Variants in POC5 observed in about 807,000 individuals in gnomAD.
POC5 encodes centrosomal protein POC5.
In POC5, 48 loss-of-function variants were observed where a neutral mutation model predicts 62.9. The ratio of observed to expected loss-of-function variants is 0.76; its 90% CI spans 0.61 to 0.97. The LOEUF is 0.97. POC5 is among the 50% of genes least tolerant of loss of function. The probability of loss-of-function intolerance (pLI) is 0.00; values close to 1 mark genes in which losing one functional copy is unlikely to be tolerated. For synonymous variants in POC5, 236 were observed against 228.2 expected (o/e 1.03, Z -0.31); for missense variants, 696 against 679.5 (o/e 1.02, Z -0.27).
intron 5 of POC5, among the ~76,000 whole-genome samples, chr5:75,702,006 G>A (rs1400654865): frequency 6.6e-6 from 1 of 152,144 alleles, no homozygotes; most frequent in African/African-American, 2.4e-5. Context: ...CAAAGTATCT[G>A]TGAAATTCAA....
intron 5 of POC5, among the ~76,000 whole-genome samples, chr5:75,699,390 C>A (rs1398388755): frequency 6.6e-6 from 1 of 152,008 alleles, no homozygotes. Flanking sequence ...GGGCTTCATC[C>A]CTGGGATGCA....
At chr5:75,715,283 C>G (rs910941589) in intron 1 of POC5, among the ~76,000 whole-genome samples, 3 of 135,184 alleles carry the variant, frequency 2.2e-5, no homozygotes, top group African/African-American at 8.8e-5. Context: ...GCACTCCAGC[C>G]TGGGCGACAG....
At chr5:75,687,290 A>G (rs565125635) in intron 9 of POC5, among the ~76,000 whole-genome samples, 2 of 152,178 alleles carry the variant, frequency 1.3e-5, no homozygotes, top group African/African-American at 4.8e-5. Context: ...TCGGCCTCCC[A>G]AAGTGCTGGG....
intron 5 of POC5, among the ~76,000 whole-genome samples, chr5:75,702,264 G>T (rs772069026): frequency 6.6e-6 from 1 of 152,032 alleles, no homozygotes; most frequent in Non-Finnish European, 1.5e-5. Flanking sequence ...AACCACCATG[G>T]CACATGTATA....
intron 5 of POC5, among the ~76,000 whole-genome samples, chr5:75,696,565 A>G (rs1261294686): frequency 6.6e-6 from 1 of 151,536 alleles, no homozygotes; most frequent in African/African-American, 2.4e-5. Flanking sequence ...TCTGTACATC[A>G]CCATCATCAA....
At chr5:75,675,650 A>G (rs536977483) in intron 11 of POC5, among the ~76,000 whole-genome samples, 1 of 152,372 alleles carries the variant, frequency 6.6e-6, no homozygotes. Context: ...GATAACCATT[A>G]TAAATAGGAG....
chr5:75,686,216 T>G (rs1310726577), intron 9 of POC5, among the ~76,000 whole-genome samples: 1 of 152,218 alleles, frequency 6.6e-6, no homozygotes, highest in African/African-American at 2.4e-5. Context: ...CTTCCAATTT[T>G]AGATGTTTTC....
intron 9 of POC5, among the ~76,000 whole-genome samples, chr5:75,687,538 A>G (rs996392457): frequency 5.3e-5 from 8 of 152,188 alleles, no homozygotes; most frequent in Admixed American, 1.3e-4. Flanking sequence ...TTTCTCATCG[A>G]TTGTTTCAAA....
intron 6 of POC5, 113 bp downstream of exon 6, chr5:75,694,542 C>G: frequency 2.3e-6 from 2 of 867,902 alleles, no homozygotes; most frequent in Non-Finnish European, 3.3e-6. Context: ...ATTTTTCTGT[C>G]AGTTTCTGAT....
chr5:75,712,386 T>C, intron 2 of POC5: 1 of 1,609,148 alleles, frequency 6.2e-7, no homozygotes, highest in Non-Finnish European at 8.5e-7. Flanking sequence ...CCACTTCATT[T>C]TATCTGTCAA....
chr5:75,710,622 C>A (rs1471976945), intron 2 of POC5, among the ~76,000 whole-genome samples: 1 of 152,176 alleles, frequency 6.6e-6, no homozygotes, highest in Non-Finnish European at 1.5e-5. Flanking sequence ...GAAACTGACC[C>A]TTTTGGGCTG....
chr5:75,690,045 C>T (rs1163158743), intron 8 of POC5, among the ~76,000 whole-genome samples: 1 of 152,022 alleles, frequency 6.6e-6, no homozygotes, highest in East Asian at 1.9e-4. Flanking sequence ...GCCACCATAC[C>T]CAGCTAATTT....
intron 9 of POC5, among the ~76,000 whole-genome samples, chr5:75,687,109 C>A (rs1359364166): frequency 6.6e-6 from 1 of 152,072 alleles, no homozygotes; most frequent in Non-Finnish European, 1.5e-5. Context: ...CAGCTCACTG[C>A]AACCTCTGCC....
At chr5:75,697,024 G>A (rs946772251) in intron 5 of POC5, among the ~76,000 whole-genome samples, 1 of 152,100 alleles carries the variant, frequency 6.6e-6, no homozygotes, top group African/African-American at 2.4e-5. Context: ...AAAAAGAAAC[G>A]AGCAAAGCCT....
At chr5:75,680,087 A>G (rs253388) in intron 10 of POC5, among the ~76,000 whole-genome samples, 116,159 of 152,068 alleles carry the variant, frequency 0.76, 44,643 homozygotes, top group African/African-American at 0.85. Context: ...GGCCTGAGGG[A>G]AACTTTGTCC....
At chr5:75,712,409 G>A (rs1367378385) in intron 2 of POC5, 1 of 1,612,684 alleles carries the variant, frequency 6.2e-7, no homozygotes, top group Non-Finnish European at 8.5e-7. Context: ...TCCAGGTCCT[G>A]GGCAGCAGAT....
chr5:75,696,337 T>C (rs190377120), intron 5 of POC5, among the ~76,000 whole-genome samples: 10,358 of 152,244 alleles, frequency 0.068, 382 homozygotes, highest in South Asian at 0.11. Flanking sequence ...AAGAGAGCAG[T>C]GGTTCTCCCA....
intron 9 of POC5, 83 bp downstream of exon 9, chr5:75,688,929 T>C: frequency 7.8e-7 from 1 of 1,275,850 alleles, no homozygotes; most frequent in Non-Finnish European, 1.0e-6. Flanking sequence ...GCAGATTATT[T>C]GTACTGTAGA....
At chr5:75,697,100 G>A (rs530862179) in intron 5 of POC5, among the ~76,000 whole-genome samples, 4 of 152,166 alleles carry the variant, frequency 2.6e-5, no homozygotes, top group Admixed American at 2.6e-4. Context: ...GAAAGTGATG[G>A]GGAGAATGGA....
Sources: gnomAD v4.1 joint callset for allele counts (sites outside exome capture counted in the v4.1 genomes callset) on GRCh38, gnomAD v4.1.1 for gene constraint, MANE v1.5 for transcripts, NCBI Gene and HGNC (gene_info 2026-07-23, HGNC 2026-07-21) for gene names.